The following TMEM243 variants were observed in gnomAD, a reference collection of about 807,000 sequenced individuals.
TMEM243 encodes transmembrane protein 243, also known as MDR1 and mitochondrial taxol resistance associated.
A neutral mutation model predicts 15.0 loss-of-function variants in TMEM243; 20 were observed. That is an observed-to-expected ratio of 1.33 (90% confidence interval 0.94 to 1.93). The LOEUF is 1.93. TMEM243 is among the 30% of genes most tolerant of loss of function. The pLI is 0.00. For missense variants in TMEM243, 156 were observed against 142.1 expected, an observed-to-expected ratio of 1.10 and a Z score of -0.50; for synonymous variants, 72 against 52.7, an observed-to-expected ratio of 1.37 and a Z score of -1.59.
At chr7:87,219,780 C>T, upstream of TMEM243, 1 of 465,410 alleles carries the variant, frequency 2.1e-6, no homozygotes. Context: ...GACGCCCCCG[C>T]CCGGGCAGCT....
At chr7:87,211,699 T>C (rs935024565) in intron 1 of TMEM243, among the ~76,000 whole-genome samples, 1 of 152,182 alleles carries the variant, frequency 6.6e-6, no homozygotes, top group Non-Finnish European at 1.5e-5. Context: ...TCAGGCCCTG[T>C]GTCCAGGGAT....
chr7:87,214,061 T>A (rs1322733212), intron 1 of TMEM243, among the ~76,000 whole-genome samples: 1 of 152,254 alleles, frequency 6.6e-6, no homozygotes, highest in Non-Finnish European at 1.5e-5. Context: ...TGGGCTGATT[T>A]AGAAACTCGT....
At chr7:87,200,298 C>T (rs1458510118) in intron 1 of TMEM243, among the ~76,000 whole-genome samples, 6 of 152,158 alleles carry the variant, frequency 3.9e-5, no homozygotes, top group Non-Finnish European at 7.3e-5. Flanking sequence ...GATCTTACCA[C>T]GACCTCAGCT....
At chr7:87,205,214 G>A (rs1802116129) in intron 1 of TMEM243, among the ~76,000 whole-genome samples, 1 of 152,228 alleles carries the variant, frequency 6.6e-6, no homozygotes, top group Non-Finnish European at 1.5e-5. Context: ...CTAGGCCTGT[G>A]ATGGGAGGGG....
intron 1 of TMEM243, among the ~76,000 whole-genome samples, chr7:87,206,597 G>C (rs1329700205): frequency 6.6e-6 from 1 of 152,156 alleles, no homozygotes. Context: ...CTGGACAAAG[G>C]GATGATTCAC....
intron 1 of TMEM243, among the ~76,000 whole-genome samples, chr7:87,201,958 T>G (rs1801842812): frequency 1.3e-5 from 2 of 152,152 alleles, no homozygotes; most frequent in South Asian, 4.1e-4. Flanking sequence ...AGATTTAGGA[T>G]TTCCTTCCCA....
chr7:87,211,119 C>T (rs865981624), intron 1 of TMEM243, among the ~76,000 whole-genome samples: 2 of 152,178 alleles, frequency 1.3e-5, no homozygotes, highest in African/African-American at 4.8e-5. Context: ...TCCCTGGGGA[C>T]ATTTTCCCCA....
At chr7:87,198,695 C>T (rs1801563554) in intron 2 of TMEM243, 1 of 401,296 alleles carries the variant, frequency 2.5e-6, no homozygotes, top group South Asian at 3.2e-5. Flanking sequence ...TCTTCAGGAA[C>T]AAAATAGAAA....
rs1416242573 is a variant in TMEM243 at position 87,219,539 on chromosome 7, A to T, written c.-36T>A. On this transcript the variant is annotated 5_prime_UTR_variant, in exon 1 of 4. Transcript: ENST00000257637. ...CTTCACTTTCCCCAAGCCACTTAAA[A>T]GCAAGACAGCATGACCTCCCGAGGT... 6 of 1,596,538 alleles carry T rather than the reference A, an allele frequency of 3.8e-6. No individual in the cohort carries two copies. The highest frequency in any genetic ancestry group is 3.3e-5 in the Admixed American group (2 of 59,882).
intron 1 of TMEM243, among the ~76,000 whole-genome samples, chr7:87,213,424 C>T (rs559034061): frequency 3.1e-4 from 47 of 152,320 alleles, no homozygotes; most frequent in Admixed American, 8.5e-4. Flanking sequence ...GACTAACCCT[C>T]CTTTGAGAGA....
At chr7:87,199,308 T>C in intron 1 of TMEM243, 1 of 403,702 alleles carries the variant, frequency 2.5e-6, no homozygotes, top group Non-Finnish European at 4.4e-6. Flanking sequence ...CTTGATTGGG[T>C]AGTATCAAAT....
At chr7:87,201,967 C>T (rs550958135) in intron 1 of TMEM243, among the ~76,000 whole-genome samples, 3 of 152,234 alleles carry the variant, frequency 2.0e-5, no homozygotes, top group African/African-American at 7.2e-5. Context: ...ATTTCCTTCC[C>T]AGAGACAAAA....
chr7:87,210,477 C>T (rs1306065003), intron 1 of TMEM243, among the ~76,000 whole-genome samples: 1 of 152,226 alleles, frequency 6.6e-6, no homozygotes, highest in African/African-American at 2.4e-5. Context: ...AAGTTAGTTA[C>T]TTCCAAGATA....
intron 3 of TMEM243, chr7:87,197,611 T>C (rs1281951078): frequency 2.2e-5 from 15 of 696,842 alleles, no homozygotes; most frequent in Non-Finnish European, 2.8e-5. Context: ...TCCCAAAGAC[T>C]GTTGGCCCTT....
At chr7:87,198,956 T>G (rs1025258542) in intron 2 of TMEM243, 51 bp downstream of exon 2, 7 of 1,477,704 alleles carry the variant, frequency 4.7e-6, no homozygotes, top group Non-Finnish European at 6.3e-6. Flanking sequence ...ATTGATAAAG[T>G]TTTCAAAACT....
At chr7:87,197,570 T>C in intron 3 of TMEM243, 1 of 437,204 alleles carries the variant, frequency 2.3e-6, no homozygotes, top group Non-Finnish European at 3.8e-6. Flanking sequence ...TCCAGAGTGC[T>C]CTATCTCTTC....
chr7:87,208,992 C>A (rs1428712538), intron 1 of TMEM243, among the ~76,000 whole-genome samples: 1 of 152,234 alleles, frequency 6.6e-6, no homozygotes, highest in Non-Finnish European at 1.5e-5. Context: ...GGGCTTACTA[C>A]AAACTCATGT....
intron 1 of TMEM243, among the ~76,000 whole-genome samples, chr7:87,209,839 A>C (rs1281063846): frequency 1.4e-5 from 2 of 142,364 alleles, no homozygotes; most frequent in Non-Finnish European, 3.0e-5. Context: ...AGTGAGAGAG[A>C]GACAGTGAGA....
At chr7:87,199,347 G>A in intron 1 of TMEM243, 1 of 333,732 alleles carries the variant, frequency 3.0e-6, no homozygotes, top group Non-Finnish European at 5.5e-6. Context: ...AATAATGCAT[G>A]TGCTGCTGAG....
Sources: allele counts gnomAD v4.1 joint callset (sites outside exome capture counted in the v4.1 genomes callset), GRCh38; gene constraint gnomAD v4.1.1; transcripts MANE v1.5; gene names NCBI Gene and HGNC (gene_info 2026-07-23, HGNC 2026-07-21).